The following PLEKHG4B variants were observed in gnomAD, a reference collection of about 807,000 sequenced individuals.
PLEKHG4B encodes the protein pleckstrin homology and RhoGEF domain containing G4B.
A neutral mutation model predicts 121.3 loss-of-function variants in PLEKHG4B; 111 were observed. The ratio of observed to expected loss-of-function variants is 0.92; its 90% CI spans 0.78 to 1.07. PLEKHG4B has a LOEUF of 1.07. PLEKHG4B is among the 50% of genes least tolerant of loss of function. PLEKHG4B has a pLI of 0.00. For synonymous variants in PLEKHG4B, 738 were observed against 725.0 expected, an observed-to-expected ratio of 1.02 and a Z score of -0.29; for missense variants, 1,831 against 1,757.8, an observed-to-expected ratio of 1.04 and a Z score of -0.74.
intron 2 of PLEKHG4B, among the ~76,000 whole-genome samples, chr5:122,518 C>A (rs1734499517): frequency 6.6e-6 from 1 of 152,020 alleles, no homozygotes; most frequent in Non-Finnish European, 1.5e-5. Context: ...CTCCCAGGTT[C>A]AAGCAGTTCT....
chr5:118,856 T>A (rs1396394291), intron 2 of PLEKHG4B, among the ~76,000 whole-genome samples: 1 of 110 alleles, frequency 9.1e-3, no homozygotes, highest in Middle Eastern at 0.25. Flanking sequence ...CTCCTCCTTC[T>A]TTTTTTTTTT....
chr5:99,309 A>C (rs560550300), intron 1 of PLEKHG4B, among the ~76,000 whole-genome samples: 1 of 150,358 alleles, frequency 6.7e-6, no homozygotes, highest in African/African-American at 2.4e-5. Context: ...TAGGGATTGC[A>C]CTGAATTTAT....
chr5:130,775 G>T (rs1486089061), intron 2 of PLEKHG4B, among the ~76,000 whole-genome samples: 4 of 152,196 alleles, frequency 2.6e-5, no homozygotes, highest in Non-Finnish European at 5.9e-5. Context: ...ATGAGAGAAA[G>T]ATTTACCCTG....
At chr5:158,756 C>T (rs1807182) in intron 11 of PLEKHG4B, among the ~76,000 whole-genome samples, 9,363 of 147,636 alleles carry the variant, frequency 0.063, 407 homozygotes, top group Non-Finnish European at 0.089. Flanking sequence ...GGTGTCTCCC[C>T]CATCTCCCCT....
intron 13 of PLEKHG4B, among the ~76,000 whole-genome samples, chr5:166,561 C>G (rs1284300429): frequency 6.6e-6 from 1 of 151,548 alleles, no homozygotes; most frequent in African/African-American, 2.4e-5. Flanking sequence ...CACTAATGCT[C>G]TGACGGGGCG....
At chr5:105,877 G>GT (rs2126343891) in intron 1 of PLEKHG4B, among the ~76,000 whole-genome samples, 1 of 152,300 alleles carries the variant, frequency 6.6e-6, no homozygotes, top group South Asian at 2.1e-4. Flanking sequence ...GTAGAAGCTG[G>GT]GGGGGCCCAT....
At chr5:115,400 C>T (rs1377647782) in intron 2 of PLEKHG4B, among the ~76,000 whole-genome samples, 11 of 152,278 alleles carry the variant, frequency 7.2e-5, no homozygotes, top group Admixed American at 5.9e-4. Flanking sequence ...TCTTAGGGGC[C>T]CTGGGAGGTT....
At chr5:152,430 C>T (rs186103242) in intron 7 of PLEKHG4B, among the ~76,000 whole-genome samples, 2 of 151,340 alleles carry the variant, frequency 1.3e-5, no homozygotes, top group South Asian at 2.1e-4. Flanking sequence ...AGGCTGGAAT[C>T]GAAGTCCCGG....
chr5:169,189 G>C, intron 13 of PLEKHG4B, 151 bp from the exon 14 acceptor site: 1 of 1,087,080 alleles, frequency 9.2e-7, no homozygotes, highest in Non-Finnish European at 1.3e-6. Context: ...CTTTTTTATC[G>C]TGCATCCCAC....
intron 1 of PLEKHG4B, among the ~76,000 whole-genome samples, chr5:108,765 G>A (rs1734050710): frequency 6.6e-6 from 1 of 151,938 alleles, no homozygotes; most frequent in South Asian, 2.1e-4. Context: ...GATGGCTGGT[G>A]TAGACAGACT....
chr5:155,752 G>A (rs985221209), intron 9 of PLEKHG4B, among the ~76,000 whole-genome samples: 5 of 152,164 alleles, frequency 3.3e-5, no homozygotes, highest in African/African-American at 7.2e-5. Flanking sequence ...CTGGCCACAG[G>A]GCTCTTGACA....
intron 1 of PLEKHG4B, among the ~76,000 whole-genome samples, chr5:112,956 G>A (rs894493238): frequency 6.6e-6 from 1 of 152,096 alleles, no homozygotes; most frequent in Non-Finnish European, 1.5e-5. Context: ...AGTGTTATAG[G>A]AATGGCAGCC....
In PLEKHG4B at chr5:182,606, T is replaced by A. The variant is rs952171267; in HGVS notation, c.*283T>A. 9.5e-6 allele frequency: 4 copies of A among 419,566 alleles called. No individual in the cohort carries two copies. Among genetic ancestry groups the A allele is most frequent in the Non-Finnish European group, 1.7e-5 (4 of 232,280 alleles). The allele number at this position is 419,566 out of a possible 1,614,324, so 26.0% of individuals were successfully genotyped here. ...AAACAAGACAAAAAAAGACTAAACA[T>A]GAAACAAAAGATGTCAAGACACAAG... On this transcript the variant is annotated 3_prime_UTR_variant, in exon 20 of 20. Coordinates refer to ENST00000637938, the MANE Select transcript of PLEKHG4B (RefSeq NM_052909.5).
At chr5:98,837 CTT>C (rs925964165) in intron 1 of PLEKHG4B, among the ~76,000 whole-genome samples, 7 of 79,232 alleles carry the variant, frequency 8.8e-5, no homozygotes, top group Non-Finnish European at 1.2e-4. Context: ...TTGAATTTTC[CTT>C]TTTTTTTTTT....
At chr5:141,711 ATTTTT>A (rs34273619) in intron 3 of PLEKHG4B, among the ~76,000 whole-genome samples, 26 of 127,550 alleles carry the variant, frequency 2.0e-4, no homozygotes, top group African/African-American at 7.6e-4. Flanking sequence ...TAAATATTTC[ATTTTT>A]TTTTTTTTTT....
chr5:172,336 C>G (rs544867324), intron 16 of PLEKHG4B, among the ~76,000 whole-genome samples: 22 of 152,336 alleles, frequency 1.4e-4, no homozygotes, highest in Admixed American at 1.0e-3. Flanking sequence ...AGGGGAGGGA[C>G]AGCCTGGTGG....
chr5:170,499 A>G (rs557769968), intron 14 of PLEKHG4B, among the ~76,000 whole-genome samples: 89 of 152,122 alleles, frequency 5.9e-4, no homozygotes, highest in African/African-American at 2.0e-3. Flanking sequence ...ATGGAGTTTC[A>G]CCATGCTGGC....
chr5:174,980 C>G (rs954857022), intron 18 of PLEKHG4B, among the ~76,000 whole-genome samples: 1 of 152,136 alleles, frequency 6.6e-6, no homozygotes, highest in Non-Finnish European at 1.5e-5. Flanking sequence ...GAGGCCCACC[C>G]GGTCTGGGGC....
At chr5:109,193 C>T (rs1734062825) in intron 1 of PLEKHG4B, among the ~76,000 whole-genome samples, 1 of 152,070 alleles carries the variant, frequency 6.6e-6, no homozygotes, top group African/African-American at 2.4e-5. Flanking sequence ...AGTTTGAGAC[C>T]AGCCTGGCCA....
Sources: allele counts gnomAD v4.1 joint callset (sites outside exome capture counted in the v4.1 genomes callset), GRCh38; gene constraint gnomAD v4.1.1; transcripts MANE v1.5; gene names NCBI Gene and HGNC (gene_info 2026-07-23, HGNC 2026-07-21).